SLC11A2: variants seen among roughly 807,000 people sequenced by gnomAD.
SLC11A2 encodes the protein solute carrier family 11 member 2, also known as natural resistance-associated macrophage protein 2.
A neutral mutation model predicts 68.0 loss-of-function variants in SLC11A2; 38 were observed. That is an observed-to-expected ratio of 0.56 (90% CI 0.43 to 0.73). SLC11A2 has a LOEUF of 0.73. Ranked by LOEUF, SLC11A2 falls within the 30% of genes least tolerant of loss-of-function variation. The pLI, the probability that SLC11A2 is intolerant of heterozygous loss-of-function variation, is 0.00. For synonymous variants in SLC11A2, 242 were observed against 250.6 expected, an observed-to-expected ratio of 0.97 and a Z score of 0.32; for missense variants, 517 against 690.5, an observed-to-expected ratio of 0.75 and a Z score of 2.82.
intron 5 of SLC11A2, among the ~76,000 whole-genome samples, chr12:51,001,867 T>G (rs774587533): frequency 6.6e-6 from 1 of 151,980 alleles, no homozygotes; most frequent in African/African-American, 2.4e-5. Flanking sequence ...ACAGAAAAGG[T>G]TGGAGTCACC....
the SLC11A2 span, among the ~76,000 whole-genome samples, chr12:50,968,595 G>A: frequency 6.6e-6 from 1 of 151,970 alleles, no homozygotes; most frequent in Admixed American, 6.6e-5. Flanking sequence ...TGTTGCCCAG[G>A]CTGGAGTGCA....
At chr12:50,973,639 G>A in the SLC11A2 span, among the ~76,000 whole-genome samples, 1 of 152,318 alleles carries the variant, frequency 6.6e-6, no homozygotes, top group Non-Finnish European at 1.5e-5. Flanking sequence ...GCTGGATGGA[G>A]AATGACTTTG....
chr12:50,962,874 CAA>C, the SLC11A2 span, among the ~76,000 whole-genome samples: 1 of 152,066 alleles, frequency 6.6e-6, no homozygotes, highest in Non-Finnish European at 1.5e-5. Flanking sequence ...GAGGAAAAAA[CAA>C]AGGCACAGAA....
chr12:50,987,429 T>A lies in SLC11A2; in HGVS notation c.*896A>T. ...AATAGATGGCTCTCCTCCCTTAAAGTCTTTTCTCCCCACCCTCAACATTTC... is the reference window on the plus strand; with the variant it reads ...AATAGATGGCTCTCCTCCCTTAAAGACTTTTCTCCCCACCCTCAACATTTC... On this transcript the variant is annotated 3_prime_UTR_variant, in exon 16 of 16. Transcript: ENST00000262052. The A allele has an allele frequency of 1.6e-6, 2 of 1,287,162 alleles. No homozygotes were observed. Among genetic ancestry groups the A allele is most frequent in the Non-Finnish European group, 2.0e-6 (2 of 988,682 alleles). 79.7% of individuals were successfully genotyped at this position (1,287,162 alleles called of 1,614,324 possible). A position where few individuals can be genotyped will look rare whatever the true frequency, so the allele number is the denominator to read the frequency against.
At chr12:51,019,309 T>C (rs1432669639) in intron 1 of SLC11A2, among the ~76,000 whole-genome samples, 1 of 152,214 alleles carries the variant, frequency 6.6e-6, no homozygotes, top group Admixed American at 6.5e-5. Context: ...TCTAGATTCT[T>C]CTAAAATTCT....
intron 1 of SLC11A2, chr12:51,025,610 C>T (rs1592470304): frequency 3.2e-6 from 1 of 316,332 alleles, no homozygotes; most frequent in Non-Finnish European, 4.6e-6. Flanking sequence ...CACATTTAAG[C>T]GGTAGCTTTA....
chr12:50,991,616 A>G lies in SLC11A2; in HGVS notation c.1404T>C (p.Ser468=), dbSNP rs747895149. 4.3e-6 allele frequency: 7 copies of G among 1,613,876 alleles called. No homozygotes were observed. In the South Asian group the frequency reaches 7.7e-5, roughly 18 times the overall value. Residue 468 remains serine, a synonymous_variant, in exon 14 of 16, where the codon AGT becomes AGC. Coordinates refer to ENST00000262052, the MANE Select transcript of SLC11A2 (RefSeq NM_000617.3). ...ACACTCACAGTCCATTGGCAAAGTC[A>G]CTCATTACTGGCCGCAAGCTCGTAA... ...LTFTSLRPVM[S]DFANGLGWRI...
chr12:51,017,777 G>C (rs1331428648), intron 1 of SLC11A2, among the ~76,000 whole-genome samples: 1 of 152,114 alleles, frequency 6.6e-6, no homozygotes, highest in Non-Finnish European at 1.5e-5. Context: ...CTACTAGTTT[G>C]TCTTAGTGCC....
intron 3 of SLC11A2, 28 bp from the exon 4 acceptor site, chr12:51,005,464 C>A: frequency 6.2e-7 from 1 of 1,612,182 alleles, no homozygotes; most frequent in Non-Finnish European, 8.5e-7. Flanking sequence ...AGAGATTAAA[C>A]TGAACATCAC....
chr12:51,023,835 A>T (rs1463940482), intron 1 of SLC11A2, among the ~76,000 whole-genome samples: 2 of 152,128 alleles, frequency 1.3e-5, no homozygotes, highest in Non-Finnish European at 2.9e-5. Context: ...CCACAAAAAA[A>T]TTTTTAAAAA....
chr12:50,952,599 G>A, the SLC11A2 span, among the ~76,000 whole-genome samples: 1 of 152,146 alleles, frequency 6.6e-6, no homozygotes, highest in African/African-American at 2.4e-5. Context: ...CCCCACTCAG[G>A]TCTCACACAC....
chr12:50,975,030 C>G (rs931573373), downstream of SLC11A2, among the ~76,000 whole-genome samples: 7 of 152,120 alleles, frequency 4.6e-5, no homozygotes, highest in African/African-American at 1.4e-4. Context: ...GACTCCCACA[C>G]AATAATAATG....
At chr12:51,013,504 G>A (rs1592420406) in intron 1 of SLC11A2, among the ~76,000 whole-genome samples, 1 of 151,356 alleles carries the variant, frequency 6.6e-6, no homozygotes, top group East Asian at 1.9e-4. Context: ...CATCATGTTG[G>A]CCAGGCTGTA....
At chr12:51,011,043 T>C (rs1943175229) in intron 1 of SLC11A2, among the ~76,000 whole-genome samples, 1 of 152,206 alleles carries the variant, frequency 6.6e-6, no homozygotes, top group African/African-American at 2.4e-5. Flanking sequence ...GCTTTCTGGC[T>C]TTCACTGTGA....
intron 2 of SLC11A2, 128 bp downstream of exon 2, chr12:51,010,567 C>A: frequency 1.7e-6 from 1 of 583,122 alleles, no homozygotes. Flanking sequence ...CAGATGGTGA[C>A]TTTTGAATGG....
At chr12:50,968,119 G>GGAGGAGGAGAAT in the SLC11A2 span, among the ~76,000 whole-genome samples, 1 of 152,044 alleles carries the variant, frequency 6.6e-6, no homozygotes, top group South Asian at 2.1e-4. Flanking sequence ...AGGAGGAGGA[G>GGAGGAGGAGAAT]GAGGAGGAGA....
chr12:51,000,528 A>G (rs1942111306), intron 5 of SLC11A2, 109 bp from the exon 6 acceptor site: 1 of 799,660 alleles, frequency 1.3e-6, no homozygotes, highest in Admixed American at 2.0e-5. Flanking sequence ...GTCCTTTATA[A>G]GCCTCCAGAC....
At chr12:51,027,928 G>A (rs1050025318), upstream of SLC11A2, among the ~76,000 whole-genome samples, 1 of 148,242 alleles carries the variant, frequency 6.7e-6, no homozygotes, top group African/African-American at 2.5e-5. Flanking sequence ...GGGGGGGGGG[G>A]GCTTGGCTTC....
chr12:50,982,564 T>A (rs1170157358), downstream of SLC11A2, among the ~76,000 whole-genome samples: 2 of 150,498 alleles, frequency 1.3e-5, no homozygotes, highest in Non-Finnish European at 3.0e-5. Context: ...GAGGCAGAGA[T>A]TGCAGTGAGC....
Sources: gnomAD v4.1 joint callset for allele counts (sites outside exome capture counted in the v4.1 genomes callset) on GRCh38, gnomAD v4.1.1 for gene constraint, MANE v1.5 for transcripts, NCBI Gene and HGNC (gene_info 2026-07-23, HGNC 2026-07-21) for gene names.